Variants in PIK3R4 observed in about 807,000 individuals in gnomAD.
The protein encoded by PIK3R4 is phosphoinositide 3-kinase regulatory subunit 4.
In PIK3R4, 46 loss-of-function variants were observed where a neutral mutation model predicts 136.5. The observed-to-expected ratio is 0.34, with a 90% CI of 0.27 to 0.43. The LOEUF (loss-of-function observed/expected upper bound fraction) is 0.43, where lower values mean the gene tolerates loss of function less well. Ranked by LOEUF, PIK3R4 falls within the 20% of genes least tolerant of loss-of-function variation. The probability of loss-of-function intolerance (pLI) is 1.00; values close to 1 mark genes in which losing one functional copy is unlikely to be tolerated. For missense variants in PIK3R4, 1,331 were observed against 1,649.5 expected, an observed-to-expected ratio of 0.81 and a Z score of 3.35; for synonymous variants, 557 against 566.7, an observed-to-expected ratio of 0.98 and a Z score of 0.24.
intron 13 of PIK3R4, among the ~76,000 whole-genome samples, chr3:130,699,102 A>C (rs1305515759): frequency 1.3e-5 from 2 of 152,212 alleles, no homozygotes; most frequent in Non-Finnish European, 2.9e-5. Flanking sequence ...CTCTACACAT[A>C]CATGTGGTCT....
At chr3:130,718,840 A>G (rs1284963222) in intron 7 of PIK3R4, among the ~76,000 whole-genome samples, 7 of 152,188 alleles carry the variant, frequency 4.6e-5, no homozygotes, top group East Asian at 1.9e-4. Flanking sequence ...CTACTCATTT[A>G]TAACACTGGA....
intron 13 of PIK3R4, among the ~76,000 whole-genome samples, chr3:130,696,210 T>G (rs77547723): frequency 0.21 from 31,268 of 151,834 alleles, 3,461 homozygotes; most frequent in South Asian, 0.36. Flanking sequence ...CAATTTTGTT[T>G]ATCTTTACAA....
Position 130,718,508 on chromosome 3 carries a change from A to G in PIK3R4, c.2008T>C (p.Trp670Arg), listed in dbSNP as rs1205017896. 1.2e-6 allele frequency: 2 copies of G among 1,614,000 alleles called. No homozygotes were observed. The highest frequency in any genetic ancestry group is 1.7e-6 in the Non-Finnish European group (2 of 1,179,868). ...AATCCCACGGCACCATAACGTATCC[A>G]TAAATTGGGATGACACAGGAAGGGG... ...IAPFLCHPNL[W>R]IRYGAVGFIT... The change falls in exon 8 of 20, where the codon TGG becomes CGG. Residue 670 changes from tryptophan (W) to arginine (R), a missense_variant. By Grantham distance (101) the Trp-to-Arg change is moderately radical. This residue lies in a region of PIK3R4 where 1,180 missense variants were observed against 1,407.0 expected (regional missense o/e 0.84). Transcript: ENST00000356763.
At position 130,710,686 on chromosome 3, in the gene PIK3R4, A is replaced by G. The variant is rs143433654; in HGVS notation, c.2332-2194T>C. ...ACAAGTTCAAAAGAAAATGTTTAGC[A>G]AATTATTATAATTAATAAATTTTAT... On this transcript the variant is annotated intron_variant, in intron 9 of 19. Coordinates refer to ENST00000356763, the MANE Select transcript of PIK3R4 (RefSeq NM_014602.3). 5.9e-5 allele frequency among the ~76,000 whole-genome samples: 9 copies of G among 152,310 alleles called. No individual in the cohort carries two copies. In the East Asian group the frequency reaches 1.7e-3, roughly 29 times the overall value.
At position 130,744,674 on chromosome 3, in the gene PIK3R4, T is replaced by A; in HGVS notation, c.545A>T (p.Asp182Val). The change falls in exon 2 of 20, where the codon GAT (aspartate) becomes GTT (valine). Residue 182 changes from aspartate to valine, a missense_variant. Asp to Val is a radical substitution (Grantham distance 152). Transcript: ENST00000356763. ...TGATGTGTCAAAGAAATAATTGAAA[T>A]CTGCCGGGTTGTCTTCTGGAAGATA... ...PTYLPEDNPA[D>V]FNYFFDTSRR... 1.2e-6 allele frequency: 2 copies of A among 1,614,222 alleles called. No homozygotes were observed. Among genetic ancestry groups the A allele is most frequent in the Non-Finnish European group, 1.7e-6 (2 of 1,180,040 alleles).
intron 13 of PIK3R4, among the ~76,000 whole-genome samples, chr3:130,696,316 G>T (rs2066546293): frequency 1.3e-5 from 2 of 148,252 alleles, no homozygotes; most frequent in African/African-American, 5.0e-5. Flanking sequence ...CTTGCTTTAA[G>T]TTTGCTCTTC....
rs201528168 is a variant in PIK3R4 at position 130,705,737 on chromosome 3, G to C, written c.2756C>G (p.Pro919Arg). The change falls in exon 12 of 20, where the codon CCA becomes CGA. Residue 919 changes from proline to arginine, a missense_variant. Transcript: ENST00000356763. ...PEVTTVQNKK[P>R]VIPVLSSTIL... is the part of the protein sequence containing the mutation. ...TGTACTACTTAAAACCGGTATTACTGGTTTTTTATTTTGGACAGTTGTCAC... is the reference window on the plus strand; with the variant it reads ...TGTACTACTTAAAACCGGTATTACTCGTTTTTTATTTTGGACAGTTGTCAC... 5 of 1,610,826 alleles carry C rather than the reference G, an allele frequency of 3.1e-6. 1 individual carries two copies. The South Asian group carries it at 4.4e-5, about 14-fold the overall frequency.
At position 130,717,537 on chromosome 3, in the gene PIK3R4, T is replaced by TA. The variant is rs970468352; in HGVS notation, c.2127+851dup. Among the ~76,000 whole-genome samples, 61 of 145,482 alleles carry TA rather than the reference T, an allele frequency of 4.2e-4. No individual in the cohort carries two copies. The East Asian group carries it at 5.4e-3, about 13-fold the overall frequency. On this transcript the variant is annotated intron_variant, in intron 8 of 19. Coordinates refer to ENST00000356763, the MANE Select transcript of PIK3R4 (RefSeq NM_014602.3). ...ATATAAGTTGCTCTTGGGGTAAAAATAAAAAAAAAATCCTACAAACTCTAT... is the reference window on the plus strand; with the variant it reads ...ATATAAGTTGCTCTTGGGGTAAAAATAAAAAAAAAAATCCTACAAACTCTAT...
chr3:130,733,659 G>C lies in PIK3R4; in HGVS notation c.1339C>G (p.Leu447Val), dbSNP rs2066770702. Residue 447 changes from leucine (L) to valine (V), a missense_variant, in exon 4 of 20, where the codon CTC becomes GTC. Transcript: ENST00000356763. Reference protein sequence around the residue: ...ALRTLTKVLALVKEVPRNDIN... With the variant: ...ALRTLTKVLAVVKEVPRNDIN... ...TCATTACGAGGAACCTCTTTGACGAGAGCAAGAACTTTGGTCAACGTCCTC... is the reference window on the plus strand; with the variant it reads ...TCATTACGAGGAACCTCTTTGACGACAGCAAGAACTTTGGTCAACGTCCTC... The C allele has an allele frequency of 1.2e-6, 2 of 1,614,010 alleles. No individual in the cohort carries two copies. Among genetic ancestry groups the C allele is most frequent in the East Asian group, 4.5e-5 (2 of 44,880 alleles).
chr3:130,741,984 T>A (rs994045845), intron 2 of PIK3R4, among the ~76,000 whole-genome samples: 1 of 152,230 alleles, frequency 6.6e-6, no homozygotes, highest in Non-Finnish European at 1.5e-5. Flanking sequence ...CCATTTATTT[T>A]CTCACCATTT....
In PIK3R4 at chr3:130,745,322, A is replaced by T. The variant is rs958236264; in HGVS notation, c.-46-58T>A. The T allele has an allele frequency of 6.8e-6, 8 of 1,178,724 alleles. No individual in the cohort carries two copies. In the East Asian group the frequency reaches 2.0e-4, roughly 29 times the overall value. 73.0% of individuals were successfully genotyped at this position (1,178,724 alleles called of 1,614,324 possible). ...ACAAGAAACAAAGAAGCTGTGAAACACCATTATTCCATTATTTGGTCTCTT... is the reference window on the plus strand; with the variant it reads ...ACAAGAAACAAAGAAGCTGTGAAACTCCATTATTCCATTATTTGGTCTCTT... On this transcript the variant is annotated intron_variant, in intron 1 of 19. Coordinates refer to ENST00000356763, the MANE Select transcript of PIK3R4 (RefSeq NM_014602.3).
At chr3:130,688,985 C>A (rs1362350657) in intron 14 of PIK3R4, among the ~76,000 whole-genome samples, 1 of 152,168 alleles carries the variant, frequency 6.6e-6, no homozygotes, top group Non-Finnish European at 1.5e-5. Flanking sequence ...CTAATTTTGA[C>A]CATATTTTCC....
At chr3:130,696,118 CAGT>C (rs915687885) in intron 13 of PIK3R4, among the ~76,000 whole-genome samples, 2 of 152,038 alleles carry the variant, frequency 1.3e-5, no homozygotes, top group Non-Finnish European at 2.9e-5. Context: ...TCTGTCAAGT[CAGT>C]AGTAATGTGC....
chr3:130,699,722 C>T (rs1180429393), intron 13 of PIK3R4, among the ~76,000 whole-genome samples: 1 of 152,108 alleles, frequency 6.6e-6, no homozygotes, highest in Non-Finnish European at 1.5e-5. Context: ...AATAGAAACC[C>T]CATATGCTTT....
rs72998245 is a variant in PIK3R4, at chr3:130,730,531, A to G, written c.1451-89T>C. ...TTTTCCTCCCTGTCTTTATACATAA[A>G]TAATCATAAGCCTATGGGAAAAACA... On this transcript the variant is annotated intron_variant, in intron 4 of 19. Coordinates refer to ENST00000356763, the MANE Select transcript of PIK3R4 (RefSeq NM_014602.3). 3.8e-3 allele frequency: 3,473 copies of G among 913,902 alleles called. 107 individuals carry two copies. The African/African-American group carries it at 0.052, about 14-fold the overall frequency. 56.6% of individuals were successfully genotyped at this position (913,902 alleles called of 1,614,324 possible). A position where few individuals can be genotyped will look rare whatever the true frequency, so the allele number is the denominator to read the frequency against.
intron 14 of PIK3R4, among the ~76,000 whole-genome samples, chr3:130,687,463 A>C (rs1034660449): frequency 6.6e-6 from 1 of 152,124 alleles, no homozygotes; most frequent in Non-Finnish European, 1.5e-5. Context: ...TGGCAAAAAT[A>C]CTTTGAGACA....
In PIK3R4 at chr3:130,745,036, T is replaced by A. The variant is rs372169386; in HGVS notation, c.183A>T (p.Thr61=). The A allele has an allele frequency of 3.7e-6, 6 of 1,613,950 alleles. No individual in the cohort carries two copies. The highest frequency in any genetic ancestry group is 5.1e-6 in the Non-Finnish European group (6 of 1,179,994). ...VVKVFAIQDP[T]LPLTSYKQEL... ...CTTGTTTATAGCTGGTTAAAGGCAA[T>A]GTGGGATCCTGAATTGCAAAAACCT... The change falls in exon 2 of 20, where the codon ACA becomes ACT. Residue 61 remains threonine, a synonymous_variant. Transcript: ENST00000356763.
chr3:130,680,428 T>C, intron 19 of PIK3R4, 185 bp downstream of exon 19: 2 of 427,918 alleles, frequency 4.7e-6, no homozygotes, highest in Non-Finnish European at 8.4e-6. Context: ...TTATATGCAC[T>C]TTCTTTATGC....
intron 2 of PIK3R4, among the ~76,000 whole-genome samples, chr3:130,742,048 A>C (rs1439130975): frequency 6.6e-6 from 1 of 152,202 alleles, no homozygotes; most frequent in African/African-American, 2.4e-5. Context: ...TGTTTCACTT[A>C]AAGTAGCAGT....
Sources: allele counts gnomAD v4.1 joint callset (sites outside exome capture counted in the v4.1 genomes callset), GRCh38; gene constraint gnomAD v4.1.1; regional missense constraint gnomAD v4.1.1; transcripts MANE v1.5; gene names NCBI Gene and HGNC (gene_info 2026-07-23, HGNC 2026-07-21).